INO80: variants seen among roughly 807,000 people sequenced by gnomAD.
INO80 encodes the protein chromatin-remodeling ATPase INO80.
Under a neutral mutation model 203.4 loss-of-function variants are expected in INO80, and 20 were observed. The ratio of observed to expected loss-of-function variants is 0.10; its 90% CI spans 0.07 to 0.14. INO80 has a LOEUF of 0.14. INO80 is among the 10% of genes least tolerant of loss of function. INO80 has a pLI of 1.00. For synonymous variants in INO80, 726 were observed against 685.2 expected (o/e 1.06, Z -0.93); for missense variants, 1,419 against 1,914.4 (o/e 0.74, Z 4.83).
chr15:41,005,535 A>T, intron 28 of INO80, 58 bp downstream of exon 28: 1 of 852,234 alleles, frequency 1.2e-6, no homozygotes, highest in Non-Finnish European at 1.9e-6. Context: ...AAAACTTACC[A>T]TTTCAAGCAC....
At chr15:40,998,983 T>TACACACACACACACAC (rs10650860) in intron 28 of INO80, among the ~76,000 whole-genome samples, 3,340 of 140,328 alleles carry the variant, frequency 0.024, 110 homozygotes, top group African/African-American at 0.068. Flanking sequence ...AAGATTTATC[T>TACACACACACACACAC]ACACACACAC....
chr15:41,029,651 T>C (rs2044430621), intron 24 of INO80, among the ~76,000 whole-genome samples: 1 of 152,222 alleles, frequency 6.6e-6, no homozygotes, highest in African/African-American at 2.4e-5. Context: ...CCCATCTTGA[T>C]TTTGGGTAGC....
At chr15:41,027,323 T>C (rs747509207) in intron 25 of INO80, among the ~76,000 whole-genome samples, 1 of 152,178 alleles carries the variant, frequency 6.6e-6, no homozygotes, top group Non-Finnish European at 1.5e-5. Context: ...ACCTGACAGA[T>C]GGTTTATTCC....
intron 14 of INO80, among the ~76,000 whole-genome samples, chr15:41,065,228 AG>A (rs1293972020): frequency 6.6e-6 from 1 of 152,098 alleles, no homozygotes; most frequent in African/African-American, 2.4e-5. Context: ...ACCTGAGGTC[AG>A]GAGTTCAAGA....
chr15:41,007,158 C>T (rs1199520375), intron 27 of INO80, among the ~76,000 whole-genome samples: 1 of 149,170 alleles, frequency 6.7e-6, no homozygotes, highest in Non-Finnish European at 1.5e-5. Flanking sequence ...AGGCTTCCTG[C>T]ACAGGCACTC....
At position 41,074,559 on chromosome 15, in the gene INO80, T is replaced by C; in HGVS notation, c.1138A>G (p.Arg380Gly). Residue 380 changes from arginine (R) to glycine (G), a missense_variant, in exon 10 of 36, where the codon AGG becomes GGG. This residue lies in a region of INO80 where 87 missense variants were observed against 150.5 expected (regional missense o/e 0.58). Coordinates refer to ENST00000648947, the MANE Select transcript of INO80 (RefSeq NM_017553.3). ...KLDEEMREAK[R>G]QQRKLNFLIT... ...AAGAAGTTGAGTTTTCGCTGTTGCC[T>C]CTTGGCCTAAAGAGGGAAAAAAGTG... is the stretch of plus-strand genomic sequence containing the variant. The C allele has an allele frequency of 6.2e-7, 1 of 1,607,880 alleles. No homozygotes were observed. The highest frequency in any genetic ancestry group is 1.1e-5 in the South Asian group (1 of 89,742).
intron 24 of INO80, among the ~76,000 whole-genome samples, chr15:41,039,964 G>A (rs74014742): frequency 0.028 from 4,256 of 152,236 alleles, 187 homozygotes; most frequent in African/African-American, 0.097. Flanking sequence ...AATAGAGTAC[G>A]AATGTTGTTA....
Position 41,085,532 on chromosome 15 carries a change from G to A in INO80, c.710C>T (p.Ser237Phe). 6.2e-7 allele frequency: 1 copy of A among 1,614,198 alleles called. No homozygotes were observed. Among genetic ancestry groups the A allele is most frequent in the South Asian group, 1.1e-5 (1 of 91,086 alleles). ...KKRRRDEELS[S>F]EESPRRHHHQ... Reference sequence around the variant, plus strand: ...GTGATGGCGACGAGGGGATTCTTCAGAGGAAAGTTCTTCATCTCTTCGTCT... The same window carrying A: ...GTGATGGCGACGAGGGGATTCTTCAAAGGAAAGTTCTTCATCTCTTCGTCT... The change falls in exon 7 of 36, where the codon TCT (serine) becomes TTT (phenylalanine). Residue 237 changes from serine (S) to phenylalanine (F), a missense_variant. Physicochemically the swap from Ser to Phe is radical, Grantham distance 155. Transcript: ENST00000648947.
At chr15:41,098,626 G>A (rs1291360245) in intron 1 of INO80, among the ~76,000 whole-genome samples, 1 of 152,042 alleles carries the variant, frequency 6.6e-6, no homozygotes, top group East Asian at 1.9e-4. Flanking sequence ...AGTGAGCCAT[G>A]ATCTTGCAAC....
At chr15:41,013,167 A>T (rs1019390787) in intron 27 of INO80, 1 of 152,236 alleles carries the variant, frequency 6.6e-6, no homozygotes, top group Non-Finnish European at 1.5e-5. Flanking sequence ...CTCCACAGCA[A>T]CACAGAGCTT....
Position 40,979,903 on chromosome 15 carries a change from A to G in INO80, c.*320T>C. The G allele has an allele frequency of 2.7e-6, 1 of 375,896 alleles. No individual in the cohort carries two copies. Among genetic ancestry groups the G allele is most frequent in the Non-Finnish European group, 5.0e-6 (1 of 199,924 alleles). 23.3% of individuals were successfully genotyped at this position (375,896 alleles called of 1,614,324 possible). Reference sequence around the variant, plus strand: ...CGAAGAGTGGAATCGGGATGGAAACAGTATGCCTGAGCATCTAAAGGGGGT... The same window carrying G: ...CGAAGAGTGGAATCGGGATGGAAACGGTATGCCTGAGCATCTAAAGGGGGT... On this transcript the variant is annotated 3_prime_UTR_variant, in exon 36 of 36. Transcript: ENST00000648947.
At chr15:41,095,131 G>A (rs545193807) in intron 4 of INO80, among the ~76,000 whole-genome samples, 2 of 152,028 alleles carry the variant, frequency 1.3e-5, no homozygotes, top group Non-Finnish European at 2.9e-5. Flanking sequence ...CTGAGGTCAG[G>A]AGTTCGAGAC....
At chr15:41,029,507 G>A (rs1461397456) in intron 24 of INO80, among the ~76,000 whole-genome samples, 1 of 152,174 alleles carries the variant, frequency 6.6e-6, no homozygotes, top group African/African-American at 2.4e-5. Context: ...CTACAGAAGT[G>A]TTTACAACAT....
chr15:40,989,356 C>T (rs1221990305), intron 29 of INO80, among the ~76,000 whole-genome samples: 2 of 152,168 alleles, frequency 1.3e-5, no homozygotes, highest in African/African-American at 4.8e-5. Flanking sequence ...AATATATCAC[C>T]ACTAAGTGAG....
At chr15:41,021,959 A>C (rs181478547) in intron 25 of INO80, among the ~76,000 whole-genome samples, 13 of 152,364 alleles carry the variant, frequency 8.5e-5, no homozygotes. Flanking sequence ...CTGGTAAGGA[A>C]CTTGAAGATG....
chr15:41,070,076 AGAAGAG>A lies in INO80; in HGVS notation c.1686+385_1686+390del, dbSNP rs1275284557. Among the ~76,000 whole-genome samples, 9 of 152,240 alleles carry A rather than the reference AGAAGAG, an allele frequency of 5.9e-5. 1 individual carries two copies. In the South Asian group the frequency reaches 1.0e-3, roughly 18 times the overall value. ...CCTATAAAGTAGATAACGTCTCCATAGAAGAGGAAGAGGAAGAGGAAACTAAGCCTC... is the reference window on the plus strand; with the variant it reads ...CCTATAAAGTAGATAACGTCTCCATAGAAGAGGAAGAGGAAACTAAGCCTC... On this transcript the variant is annotated intron_variant, in intron 13 of 35. Transcript: ENST00000648947.
rs2045322208 is a variant in INO80 at position 41,071,772 on chromosome 15, T to C, written c.1605+77A>G. 3 of 1,330,364 alleles carry C rather than the reference T, an allele frequency of 2.3e-6. No individual in the cohort carries two copies. The Admixed American group carries it at 5.3e-5, about 23-fold the overall frequency. The allele number at this position is 1,330,364 out of a possible 1,614,324, so 82.4% of individuals were successfully genotyped here. On this transcript the variant is annotated intron_variant, in intron 12 of 35. Transcript: ENST00000648947. ...CACCGCGCTCAGCCAGATCTTGTACTCATTTCACAATCACATTGAACAAAT... is the reference window on the plus strand; with the variant it reads ...CACCGCGCTCAGCCAGATCTTGTACCCATTTCACAATCACATTGAACAAAT...
chr15:41,097,960 C>T (rs1213765570), intron 1 of INO80, among the ~76,000 whole-genome samples: 2 of 151,730 alleles, frequency 1.3e-5, no homozygotes, highest in Non-Finnish European at 2.9e-5. Flanking sequence ...TCTCAAAAAA[C>T]AACAACAACA....
chr15:41,027,588 G>A lies in INO80; in HGVS notation c.3048+8C>T. The stretch of plus-strand genomic sequence containing the variant: ...TCTATTTCATCTCTTCCCTCCTGGA[G>A]CACTTACTCGTGGACTGGCCACACA... On this transcript the variant is annotated splice_region_variant and intron_variant, in intron 25 of 35. Transcript: ENST00000648947. 6.3e-7 allele frequency: 1 copy of A among 1,592,958 alleles called. No individual in the cohort carries two copies. Among genetic ancestry groups the A allele is most frequent in the South Asian group, 1.1e-5 (1 of 87,626 alleles).
Sources: gnomAD v4.1 joint callset for allele counts (sites outside exome capture counted in the v4.1 genomes callset) on GRCh38, gnomAD v4.1.1 for gene constraint, gnomAD v4.1.1 regional missense constraint, MANE v1.5 for transcripts, NCBI Gene and HGNC (gene_info 2026-07-23, HGNC 2026-07-21) for gene names.